The following CEP120 variants were observed in gnomAD, a reference collection of about 807,000 sequenced individuals.
CEP120 encodes centrosomal protein of 120 kDa.
CEP120 carries 113 observed loss-of-function variants against 126.5 expected under a neutral mutation model. The observed-to-expected ratio is 0.89, with a 90% CI of 0.77 to 1.04. The LOEUF (loss-of-function observed/expected upper bound fraction) is 1.04, where lower values mean the gene tolerates loss of function less well. Ranked by LOEUF, CEP120 falls within the 50% of genes least tolerant of loss-of-function variation. The probability of loss-of-function intolerance (pLI) is 0.00; values close to 1 mark genes in which losing one functional copy is unlikely to be tolerated. For missense variants in CEP120, 1,230 were observed against 1,155.7 expected, an observed-to-expected ratio of 1.06 and a Z score of -0.93; for synonymous variants, 400 against 394.3, an observed-to-expected ratio of 1.01 and a Z score of -0.17.
intron 7 of CEP120, chr5:123,390,871 T>C: frequency 5.3e-6 from 2 of 378,158 alleles, no homozygotes. Context: ...AGACCATAAG[T>C]GGGTTTCCAC....
At chr5:123,358,984 G>C (rs1580640367) in intron 18 of CEP120, among the ~76,000 whole-genome samples, 1 of 152,106 alleles carries the variant, frequency 6.6e-6, no homozygotes, top group African/African-American at 2.4e-5. Context: ...TGACAAGTCA[G>C]TAGGAGGGCC....
rs1353061779 is a variant in CEP120, at chr5:123,418,485, A to G, written c.80T>C (p.Met27Thr). The change falls in exon 2 of 20, where the codon ATG (methionine) becomes ACG (threonine). Residue 27 changes from methionine to threonine, a missense_variant. By Grantham distance (81) the Met-to-Thr change is moderately conservative (BLOSUM62 -1). Coordinates refer to ENST00000306467, the MANE Select transcript of CEP120 (RefSeq NM_001375405.1). Reference protein sequence around the residue: ...GRHFPKRPKHMLVVEAKFDGE... With the variant: ...GRHFPKRPKHTLVVEAKFDGE... Reference sequence around the variant, plus strand: ...ATCAAACTTTGCTTCCACTACAAGCATATGCTTTGGACGTTTGGGGAAATG... The same window carrying G: ...ATCAAACTTTGCTTCCACTACAAGCGTATGCTTTGGACGTTTGGGGAAATG... 1 of 1,611,406 alleles carries G rather than the reference A, an allele frequency of 6.2e-7. No individual in the cohort carries two copies. Among genetic ancestry groups the G allele is most frequent in the Non-Finnish European group, 8.5e-7 (1 of 1,178,164 alleles).
intron 18 of CEP120, among the ~76,000 whole-genome samples, chr5:123,362,520 T>G (rs1005193831): frequency 6.6e-6 from 1 of 151,730 alleles, no homozygotes; most frequent in African/African-American, 2.4e-5. Context: ...TTTTGCCGCT[T>G]TCACTTTTGC....
At chr5:123,351,706 T>A (rs1232698732) in intron 18 of CEP120, among the ~76,000 whole-genome samples, 2 of 152,192 alleles carry the variant, frequency 1.3e-5, no homozygotes, top group African/African-American at 4.8e-5. Context: ...ATGTTTCACA[T>A]ATACCTTGTA....
At chr5:123,382,078 C>T in intron 14 of CEP120, 33 bp downstream of exon 14, 1 of 1,343,244 alleles carries the variant, frequency 7.4e-7, no homozygotes, top group East Asian at 2.3e-5. Flanking sequence ...TAATATTCTT[C>T]CTTCTCTTCC....
chr5:123,414,287 C>T (rs1774248704), intron 3 of CEP120, among the ~76,000 whole-genome samples: 1 of 152,106 alleles, frequency 6.6e-6, no homozygotes, highest in African/African-American at 2.4e-5. Flanking sequence ...GGGTCTAAAA[C>T]TAAAGAAGGA....
At chr5:123,403,127 A>G (rs1773380651) in intron 4 of CEP120, 2 of 365,186 alleles carry the variant, frequency 5.5e-6, no homozygotes, top group South Asian at 4.2e-5. Context: ...ATGTATTTAT[A>G]TGTGTGTGTA....
In CEP120 at chr5:123,402,061, T is replaced by C. The variant is rs1162049612; in HGVS notation, c.464-2777A>G. On this transcript the variant is annotated intron_variant, in intron 4 of 19. Transcript: ENST00000306467. Reference sequence around the variant, plus strand: ...GCAAACTTGTTGTTGAGGGTCTTGATCTGCTCCTTCTCCTGGGTGCACACA... The same window carrying C: ...GCAAACTTGTTGTTGAGGGTCTTGACCTGCTCCTTCTCCTGGGTGCACACA... The C allele has an allele frequency of 5.0e-6, 8 of 1,591,938 alleles. No individual in the cohort carries two copies. The African/African-American group carries it at 1.1e-4, about 21-fold the overall frequency.
chr5:123,364,157 T>C (rs1279802484), intron 18 of CEP120, among the ~76,000 whole-genome samples: 1 of 151,586 alleles, frequency 6.6e-6, no homozygotes, highest in Non-Finnish European at 1.5e-5. Flanking sequence ...GTTCAAGTTA[T>C]CCTTAAATTT....
chr5:123,407,426 GGTA>G (rs1321551105), intron 4 of CEP120, among the ~76,000 whole-genome samples: 5 of 152,040 alleles, frequency 3.3e-5, no homozygotes, highest in African/African-American at 1.2e-4. Context: ...AAAAGAAAAT[GGTA>G]GTAGTTATAT....
At chr5:123,421,368 G>A (rs1774701127) in intron 1 of CEP120, among the ~76,000 whole-genome samples, 1 of 152,204 alleles carries the variant, frequency 6.6e-6, no homozygotes, top group African/African-American at 2.4e-5. Flanking sequence ...GTTTAAGCCT[G>A]AGGCTCTCAC....
At position 123,423,317 on chromosome 5, in the gene CEP120, G is replaced by A. The variant is rs1172643409; in HGVS notation, c.-319C>T. 1 of 377,022 alleles carries A rather than the reference G, an allele frequency of 2.7e-6. No individual in the cohort carries two copies. Among genetic ancestry groups the A allele is most frequent in the South Asian group, 3.8e-5 (1 of 26,518 alleles). The allele number at this position is 377,022 out of a possible 1,614,324, so 23.4% of individuals were successfully genotyped here. A position where few individuals can be genotyped will look rare whatever the true frequency, so the allele number is the denominator to read the frequency against. Reference sequence around the variant, plus strand: ...TGCGTAGCCGCTTTTCAAACGCCCGGGCGGCCGCAGCGGCCGCCGCCGCGC... The same window carrying A: ...TGCGTAGCCGCTTTTCAAACGCCCGAGCGGCCGCAGCGGCCGCCGCCGCGC... On this transcript the variant is annotated 5_prime_UTR_variant, in exon 1 of 20. Coordinates refer to ENST00000306467, the MANE Select transcript of CEP120 (RefSeq NM_001375405.1).
chr5:123,361,624 A>G (rs1258349435), intron 18 of CEP120, among the ~76,000 whole-genome samples: 3 of 151,756 alleles, frequency 2.0e-5, no homozygotes. Flanking sequence ...ACTGCATAAC[A>G]ATATCCCCCA....
At chr5:123,348,282 T>C (rs889190793) in intron 19 of CEP120, among the ~76,000 whole-genome samples, 5 of 152,216 alleles carry the variant, frequency 3.3e-5, no homozygotes, top group African/African-American at 9.6e-5. Flanking sequence ...GATTCAATTG[T>C]ATATGATCTA....
chr5:123,420,071 G>C (rs1774624329), intron 1 of CEP120, among the ~76,000 whole-genome samples: 2 of 152,176 alleles, frequency 1.3e-5, no homozygotes, highest in Admixed American at 1.3e-4. Context: ...GTGAGTTAAA[G>C]CCTGAGGCTC....
intron 4 of CEP120, among the ~76,000 whole-genome samples, chr5:123,405,265 G>C (rs1181816524): frequency 8.2e-5 from 1 of 12,176 alleles, no homozygotes; most frequent in Non-Finnish European, 1.4e-4. Flanking sequence ...CAGCCTGAGA[G>C]ATAAAAACTC....
chr5:123,366,005 T>TCACACTAACTTAAAA (rs67778721), intron 17 of CEP120, among the ~76,000 whole-genome samples: 1 of 150,984 alleles, frequency 6.6e-6, no homozygotes, highest in Non-Finnish European at 1.5e-5. Context: ...ATTTGCATAG[T>TCACACTAACTTAAAA]CACACTAACT....
At chr5:123,355,380 G>T (rs1291168038) in intron 18 of CEP120, among the ~76,000 whole-genome samples, 1 of 152,148 alleles carries the variant, frequency 6.6e-6, no homozygotes, top group Non-Finnish European at 1.5e-5. Flanking sequence ...CACAATGGAT[G>T]AACTAGTTTA....
At chr5:123,353,178 T>A (rs927506245) in intron 18 of CEP120, among the ~76,000 whole-genome samples, 1 of 151,928 alleles carries the variant, frequency 6.6e-6, no homozygotes, top group East Asian at 1.9e-4. Flanking sequence ...AGAGGGAAGG[T>A]TTCTCTCATT....
Sources: gnomAD v4.1 joint callset for allele counts (sites outside exome capture counted in the v4.1 genomes callset) on GRCh38, gnomAD v4.1.1 for gene constraint, MANE v1.5 for transcripts, NCBI Gene and HGNC (gene_info 2026-07-23, HGNC 2026-07-21) for gene names.